The following TCTN3 variants were observed in gnomAD, a reference collection of about 807,000 sequenced individuals.
TCTN3 encodes the protein tectonic family member 3.
In TCTN3, 57 loss-of-function variants were observed where a neutral mutation model predicts 71.3. The observed-to-expected ratio is 0.80, with a 90% CI of 0.65 to 1.00. The LOEUF is 1.00. Among genes scored for constraint, TCTN3 ranks in the 50% least tolerant of loss-of-function variants. The pLI is 0.00. For synonymous variants in TCTN3, 258 were observed against 267.8 expected (o/e 0.96, Z 0.36); for missense variants, 696 against 719.9 (o/e 0.97, Z 0.38).
intron 13 of TCTN3, among the ~76,000 whole-genome samples, chr10:95,674,591 CT>C (rs1327515487): frequency 6.6e-6 from 1 of 151,948 alleles, no homozygotes. Flanking sequence ...TTTTTCCTAT[CT>C]AAAATATAGT....
chr10:95,678,016 G>C (rs1037212476), intron 13 of TCTN3, among the ~76,000 whole-genome samples: 1 of 152,140 alleles, frequency 6.6e-6, no homozygotes, highest in South Asian at 2.1e-4. Context: ...TTGCCACTCA[G>C]CTTTAGTTTT....
At chr10:95,669,717 T>C (rs1206188940) in intron 13 of TCTN3, among the ~76,000 whole-genome samples, 1 of 152,110 alleles carries the variant, frequency 6.6e-6, no homozygotes, top group Non-Finnish European at 1.5e-5. Flanking sequence ...GGTAGGGAAC[T>C]AACATAATAA....
At chr10:95,670,152 G>T (rs1410101705) in intron 13 of TCTN3, among the ~76,000 whole-genome samples, 3 of 150,544 alleles carry the variant, frequency 2.0e-5, no homozygotes, top group African/African-American at 7.3e-5. Flanking sequence ...GATCTTAATG[G>T]TTGTGCTTAA....
At chr10:95,671,618 C>T (rs2097931518) in intron 13 of TCTN3, among the ~76,000 whole-genome samples, 1 of 152,186 alleles carries the variant, frequency 6.6e-6, no homozygotes. Context: ...TGCATTCAGA[C>T]TATCAACTAG....
chr10:95,682,637 A>G lies in TCTN3; in HGVS notation c.1452+14T>C, dbSNP rs1314374442. On this transcript the variant is annotated intron_variant, in intron 12 of 13. Coordinates refer to ENST00000371217, the MANE Select transcript of TCTN3 (RefSeq NM_015631.6). ...AAAATGAGTCTTCATCAGAAAGTAT[A>G]TTTCTCTCCTTACTGAAATGCTGCA... 1 of 1,607,300 alleles carries G rather than the reference A, an allele frequency of 6.2e-7. No individual in the cohort carries two copies. The highest frequency in any genetic ancestry group is 1.7e-5 in the Admixed American group (1 of 58,110).
Position 95,687,183 on chromosome 10 carries a change from G to A in TCTN3, c.737-24C>T. ...ACCTTAAACACAAATAATTAAGAGA[G>A]TGGTAAATGAGAAAGCCTGTTTTAA... On this transcript the variant is annotated intron_variant, in intron 5 of 13. Transcript: ENST00000371217. The A allele has an allele frequency of 2.5e-6, 4 of 1,612,064 alleles. No individual in the cohort carries two copies. The East Asian group carries it at 6.7e-5, about 27-fold the overall frequency.
In TCTN3 at chr10:95,687,179, G is replaced by T; in HGVS notation, c.737-20C>A. ...GGAAACCTTAAACACAAATAATTAAGAGAGTGGTAAATGAGAAAGCCTGTT... is the reference window on the plus strand; with the variant it reads ...GGAAACCTTAAACACAAATAATTAATAGAGTGGTAAATGAGAAAGCCTGTT... On this transcript the variant is annotated intron_variant, in intron 5 of 13. Transcript: ENST00000371217. 6.2e-7 allele frequency: 1 copy of T among 1,612,880 alleles called. No homozygotes were observed. Among genetic ancestry groups the T allele is most frequent in the Non-Finnish European group, 8.5e-7 (1 of 1,178,990 alleles).
At chr10:95,691,883 G>C (rs1401112072) in intron 3 of TCTN3, among the ~76,000 whole-genome samples, 1 of 152,136 alleles carries the variant, frequency 6.6e-6, no homozygotes, top group African/African-American at 2.4e-5. Context: ...TTGAAGAAAC[G>C]AGCCTGGAAA....
chr10:95,675,962 T>C (rs2097936746), intron 13 of TCTN3, among the ~76,000 whole-genome samples: 1 of 152,208 alleles, frequency 6.6e-6, no homozygotes, highest in African/African-American at 2.4e-5. Context: ...AGTAAGTCAA[T>C]AGTGTTAAAT....
At chr10:95,667,204 C>T (rs981705376) in intron 13 of TCTN3, among the ~76,000 whole-genome samples, 3 of 152,110 alleles carry the variant, frequency 2.0e-5, no homozygotes, top group Non-Finnish European at 4.4e-5. Context: ...GTTGTTCTTT[C>T]GGAGTCACCC....
At position 95,687,542 on chromosome 10, in the gene TCTN3, G is replaced by A. The variant is rs41302725; in HGVS notation, c.627+50C>T. 10,061 of 1,603,676 alleles carry A rather than the reference G, an allele frequency of 6.3e-3. 68 individuals are homozygous for A. Among genetic ancestry groups the A allele is most frequent in the Middle Eastern group, 0.015 (91 of 5,996 alleles). On this transcript the variant is annotated intron_variant, in intron 4 of 13. Transcript: ENST00000371217. ...AAAGTTACCTTGTCAGCTGTCTGCTGTGAGAGTAAAAACTAAACCAAACAA... is the reference window on the plus strand; with the variant it reads ...AAAGTTACCTTGTCAGCTGTCTGCTATGAGAGTAAAAACTAAACCAAACAA...
intron 3 of TCTN3, 93 bp downstream of exon 3, chr10:95,692,827 C>T: frequency 2.1e-6 from 2 of 932,766 alleles, no homozygotes. Flanking sequence ...TACGTGTGGC[C>T]CAAGACAATT....
At chr10:95,670,643 C>T (rs1226969208) in intron 13 of TCTN3, among the ~76,000 whole-genome samples, 1 of 151,810 alleles carries the variant, frequency 6.6e-6, no homozygotes, top group Non-Finnish European at 1.5e-5. Context: ...GCTGGAATTA[C>T]AAGTATGAGC....
chr10:95,690,957 T>C (rs2097952951), intron 3 of TCTN3, among the ~76,000 whole-genome samples: 2 of 152,326 alleles, frequency 1.3e-5, no homozygotes, highest in South Asian at 4.1e-4. Flanking sequence ...ATTGATGTAA[T>C]GAACCATAAC....
chr10:95,683,353 A>C lies in TCTN3; in HGVS notation c.1204-158T>G, dbSNP rs1001432169. 6.6e-6 allele frequency: 10 copies of C among 1,506,176 alleles called. No homozygotes were observed. The African/African-American group carries it at 7.1e-5, about 11-fold the overall frequency. 93.3% of individuals were successfully genotyped at this position (1,506,176 alleles called of 1,614,324 possible). A position where few individuals can be genotyped will look rare whatever the true frequency, so the allele number is the denominator to read the frequency against. ...TTGTGATTTTTTTCCTCAGAAAACC[A>C]CAGAGAGACAACTAGATTCCAAAAA... is the stretch of plus-strand genomic sequence containing the variant. On this transcript the variant is annotated intron_variant, in intron 10 of 13. Transcript: ENST00000371217.
intron 13 of TCTN3, among the ~76,000 whole-genome samples, chr10:95,669,935 C>T (rs2097929238): frequency 6.6e-6 from 1 of 150,968 alleles, no homozygotes; most frequent in African/African-American, 2.4e-5. Flanking sequence ...AGGTGGCGGG[C>T]GCCTGTAGTC....
At position 95,687,586 on chromosome 10, in the gene TCTN3, G is replaced by A. The variant is rs190843846; in HGVS notation, c.627+6C>T. Reference sequence around the variant, plus strand: ...CAAACAATCCCATCCCCTTCCCCAGGCTCACCCTGTAAAAAGATGGTGGTG... The same window carrying A: ...CAAACAATCCCATCCCCTTCCCCAGACTCACCCTGTAAAAAGATGGTGGTG... On this transcript the variant is annotated splice_donor_region_variant and intron_variant, in intron 4 of 13. Transcript: ENST00000371217. 11 of 1,612,580 alleles carry A rather than the reference G, an allele frequency of 6.8e-6. No individual in the cohort carries two copies. In the Admixed American group the frequency reaches 1.7e-4, roughly 25 times the overall value.
intron 13 of TCTN3, among the ~76,000 whole-genome samples, chr10:95,676,827 T>C (rs2097937647): frequency 6.6e-6 from 1 of 152,214 alleles, no homozygotes; most frequent in Admixed American, 6.5e-5. Context: ...TTACTGAATA[T>C]ATACTACGTA....
Position 95,663,807 on chromosome 10 carries a change from T to G in TCTN3, c.*260A>C. The G allele has an allele frequency of 2.5e-6, 1 of 396,004 alleles. No homozygotes were observed. The highest frequency in any genetic ancestry group is 3.0e-5 in the South Asian group (1 of 32,860). 24.5% of individuals were successfully genotyped at this position (396,004 alleles called of 1,614,324 possible). A position where few individuals can be genotyped will look rare whatever the true frequency, so the allele number is the denominator to read the frequency against. On this transcript the variant is annotated 3_prime_UTR_variant, in exon 14 of 14. Transcript: ENST00000371217. ...ACCAGAAAGGCTGAAGGAAGGCTCT[T>G]GGCCTTCCCAGCTTGAGAAGTAGGG...
Sources: gnomAD v4.1 joint callset for allele counts (sites outside exome capture counted in the v4.1 genomes callset) on GRCh38, gnomAD v4.1.1 for gene constraint, MANE v1.5 for transcripts, NCBI Gene and HGNC (gene_info 2026-07-23, HGNC 2026-07-21) for gene names.